Variants in CARD10 observed in about 807,000 individuals in gnomAD.
CARD10 encodes caspase recruitment domain family member 10.
In CARD10, 49 loss-of-function variants were observed where a neutral mutation model predicts 114.6. That is an observed-to-expected ratio of 0.43 (90% confidence interval 0.34 to 0.54). The LOEUF is 0.54. Among genes scored for constraint, CARD10 ranks in the 20% least tolerant of loss-of-function variants. The pLI, the probability that CARD10 is intolerant of heterozygous loss-of-function variation, is 0.03. For synonymous variants in CARD10, 602 were observed against 593.2 expected, an observed-to-expected ratio of 1.01 and a Z score of -0.21; for missense variants, 1,206 against 1,397.2, an observed-to-expected ratio of 0.86 and a Z score of 2.18.
In CARD10 at chr22:37,506,220, T is replaced by C. The variant is rs764497951; in HGVS notation, c.1355A>G (p.Gln452Arg). ...GAGGCAGGTGCCACCCTGGGCCCGC[T>C]GCAGCTGAACCTCCAGCAGAGCCTT... Reference protein sequence around the residue: ...GTKALLEVQLQRAQGGTCLKA... With the variant: ...GTKALLEVQLRRAQGGTCLKA... Residue 452 changes from glutamine (Q) to arginine (R), a missense_variant, in exon 7 of 20, where the codon CAG becomes CGG. By Grantham distance (43) the Gln-to-Arg change is conservative (BLOSUM62 1). This residue lies in a region of CARD10 where 1,068 missense variants were observed against 1,179.1 expected (regional missense o/e 0.91). Coordinates refer to ENST00000251973, the MANE Select transcript of CARD10 (RefSeq NM_014550.4). 6.3e-7 allele frequency: 1 copy of C among 1,589,740 alleles called. No homozygotes were observed. The highest frequency in any genetic ancestry group is 1.3e-5 in the African/African-American group (1 of 74,320).
intron 16 of CARD10, 34 bp downstream of exon 16, chr22:37,494,052 A>G (rs959369860): frequency 5.6e-6 from 8 of 1,432,770 alleles, no homozygotes; most frequent in Middle Eastern, 1.7e-4. Context: ...CAATGGGAGC[A>G]ACACGGGATA....
rs539011248 is a variant in CARD10 at position 37,501,781 on chromosome 22, A to G, written c.1787+821T>C. On this transcript the variant is annotated intron_variant, in intron 11 of 19. Coordinates refer to ENST00000251973, the MANE Select transcript of CARD10 (RefSeq NM_014550.4). The surrounding 1 kb of genome is among the most constrained non-coding windows in gnomAD (Gnocchi z 5.4). ...TATGCCTACTCCCTGGACAAAGAGC[A>G]TGTTGTAAAACAGCCAGCAGCTGGC... Among the ~76,000 whole-genome samples, 20 of 152,348 alleles carry G rather than the reference A, an allele frequency of 1.3e-4. No homozygotes were observed. Among genetic ancestry groups the G allele is most frequent in the African/African-American group, 4.6e-4 (19 of 41,590 alleles).
chr22:37,491,349 C>T lies in CARD10; in HGVS notation c.2909G>A (p.Arg970Gln), dbSNP rs187194563. The change falls in exon 20 of 20, where the codon CGG (arginine) becomes CAG (glutamine). Residue 970 changes from arginine (R) to glutamine (Q), a missense_variant. Arg to Gln is a conservative substitution (Grantham distance 43). Transcript: ENST00000251973. ...CACCTGCTCTGAGCCACGGCACTGCCGCAGCAGCTCTGAGTCCCGCCAGCC... is the reference window on the plus strand; with the variant it reads ...CACCTGCTCTGAGCCACGGCACTGCTGCAGCAGCTCTGAGTCCCGCCAGCC... ...RPGWRDSELL[R>Q]QCRGSEQVLW... is the part of the protein sequence containing the mutation. 6.5e-6 allele frequency: 10 copies of T among 1,535,554 alleles called. No individual in the cohort carries two copies. The highest frequency in any genetic ancestry group is 4.1e-5 in the African/African-American group (3 of 73,272).
intron 3 of CARD10, among the ~76,000 whole-genome samples, 167 bp downstream of exon 3, chr22:37,515,806 T>C (rs1433077953): frequency 6.6e-6 from 1 of 152,044 alleles, no homozygotes; most frequent in African/African-American, 2.4e-5. Context: ...TCACCCCCCA[T>C]TGAGAACCAC....
chr22:37,510,271 G>T lies in CARD10; in HGVS notation c.850C>A (p.Arg284Ser). 6.2e-7 allele frequency: 1 copy of T among 1,604,336 alleles called. No homozygotes were observed. The change falls in exon 4 of 20, where the codon CGT becomes AGT. Residue 284 changes from arginine to serine, a missense_variant. Arg to Ser is a moderately radical substitution (Grantham distance 110, BLOSUM62 -1). This residue lies in a region of CARD10 where 1,068 missense variants were observed against 1,179.1 expected (regional missense o/e 0.91). Coordinates refer to ENST00000251973, the MANE Select transcript of CARD10 (RefSeq NM_014550.4). ...PDNVDLVSEL[R>S]AENQRLTASL... ...GCCGTCAGCCGCTGGTTCTCAGCAC[G>T]CAGCTCAGAGACAAGGTCCACATTG...
In CARD10 at chr22:37,492,846, G is replaced by A; in HGVS notation, c.2477-44C>T. On this transcript the variant is annotated intron_variant, in intron 16 of 19. Coordinates refer to ENST00000251973, the MANE Select transcript of CARD10 (RefSeq NM_014550.4). The surrounding 1 kb of genome is among the most constrained non-coding windows in gnomAD (Gnocchi z 5.7). ...GCAAAAGAGATAAGGGCACAGGCAG[G>A]CAGCATACCAGCTCGTCGATACCCC... The A allele has an allele frequency of 6.3e-7, 1 of 1,589,098 alleles. No individual in the cohort carries two copies. The highest frequency in any genetic ancestry group is 8.5e-7 in the Non-Finnish European group (1 of 1,170,972).
At position 37,492,770 on chromosome 22, in the gene CARD10, C is replaced by T. The variant is rs1402708053; in HGVS notation, c.2509G>A (p.Val837Met). ...PERSLRPYSLVRPLLVSALRP... is the reference protein window; with the variant it reads ...PERSLRPYSLMRPLLVSALRP... ...AGGGCAGACACCAGTAGCGGCCGCA[C>T]CAAACTGTAGGGTCTGAGGCTCCGC... Residue 837 changes from valine (V) to methionine (M), a missense_variant, in exon 17 of 20, where the codon GTG becomes ATG. Physicochemically the swap from Val to Met is conservative, Grantham distance 21. Transcript: ENST00000251973. This position sits in a 1 kb window ranked among gnomAD's most constrained non-coding sequence, Gnocchi z 5.7. 1 of 1,612,628 alleles carries T rather than the reference C, an allele frequency of 6.2e-7. No individual in the cohort carries two copies. Among genetic ancestry groups the T allele is most frequent in the African/African-American group, 1.3e-5 (1 of 74,914 alleles).
Position 37,492,798 on chromosome 22 carries a change from C to A in CARD10, c.2481G>T (p.Pro827=), listed in dbSNP as rs537956524. The A allele has an allele frequency of 6.2e-7, 1 of 1,610,920 alleles. No homozygotes were observed. Among genetic ancestry groups the A allele is most frequent in the African/African-American group, 1.3e-5 (1 of 75,010 alleles). The change falls in exon 17 of 20, where the codon CCG becomes CCT. Residue 827 remains proline, a synonymous_variant. Coordinates refer to ENST00000251973, the MANE Select transcript of CARD10 (RefSeq NM_014550.4). The surrounding 1 kb of genome is among the most constrained non-coding windows in gnomAD (Gnocchi z 5.7). The part of the protein sequence containing the change: ...DQLLLEPCAE[P]ERSLRPYSLV... ...AACTGTAGGGTCTGAGGCTCCGCTC[C>A]GGCTCTGTGGCAGGGGAGGGGCGCA...
intron 15 of CARD10, chr22:37,494,508 CCAAA>C: frequency 2.5e-6 from 1 of 402,560 alleles, no homozygotes. Flanking sequence ...CCAAGAGGAA[CCAAA>C]TGTCACATAC....
rs542874338 is a variant in CARD10, at chr22:37,491,035, A to G, written c.*124T>C. 14 of 775,860 alleles carry G rather than the reference A, an allele frequency of 1.8e-5. No individual in the cohort carries two copies. Among genetic ancestry groups the G allele is most frequent in the South Asian group, 1.6e-4 (9 of 56,122 alleles). 48.1% of individuals were successfully genotyped at this position (775,860 alleles called of 1,614,324 possible). On this transcript the variant is annotated 3_prime_UTR_variant, in exon 20 of 20. Coordinates refer to ENST00000251973, the MANE Select transcript of CARD10 (RefSeq NM_014550.4). ...GACAGCCTTGGGGGTGAGAGGCCAGAGCCAAGGGCCCTGCATCTGAGAGTC... is the reference window on the plus strand; with the variant it reads ...GACAGCCTTGGGGGTGAGAGGCCAGGGCCAAGGGCCCTGCATCTGAGAGTC...
Position 37,492,477 on chromosome 22 carries a change from C to A in CARD10, c.2709G>T (p.Gly903=). The change falls in exon 18 of 20, where the codon GGG becomes GGT. Residue 903 remains glycine (G), a synonymous_variant. Coordinates refer to ENST00000251973, the MANE Select transcript of CARD10 (RefSeq NM_014550.4). This position sits in a 1 kb window ranked among gnomAD's most constrained non-coding sequence, Gnocchi z 5.7. ...GAPKAQPATP[G]LGSRIRAIQE... ...GGATGGCCCGGATCCTGCTGCCTAGCCCAGGGGTGGCAGGCTGAGCCTTGG... is the reference window on the plus strand; with the variant it reads ...GGATGGCCCGGATCCTGCTGCCTAGACCAGGGGTGGCAGGCTGAGCCTTGG... 6.2e-7 allele frequency: 1 copy of A among 1,601,330 alleles called. No individual in the cohort carries two copies. Among genetic ancestry groups the A allele is most frequent in the South Asian group, 1.1e-5 (1 of 89,740 alleles).
Position 37,518,971 on chromosome 22 carries a change from C to A in CARD10, c.230G>T (p.Arg77Leu). The A allele has an allele frequency of 6.5e-7, 1 of 1,535,538 alleles. No homozygotes were observed. ...ACTCGGGACCCGCGGCTCACCGGTG[C>A]GGTTGACGCGGCACGGGAAGCGGTA... ...STYRFPCRVN[R>L]TGRLMDILRC... The change falls in exon 1 of 20, where the codon CGC becomes CTC. Residue 77 changes from arginine to leucine, a missense_variant. This residue lies in a region of CARD10 where 138 missense variants were observed against 218.0 expected (regional missense o/e 0.63). Transcript: ENST00000251973.
chr22:37,504,725 A>C lies in CARD10; in HGVS notation c.1428T>G (p.Thr476=), dbSNP rs754363071. The change falls in exon 8 of 20, where the codon ACT becomes ACG. Residue 476 remains threonine, a synonymous_variant. Transcript: ENST00000251973. ...SHSLCSNLSS[T]WSLSEFPSPL... is the part of the protein sequence containing the mutation. ...GGGAGGGGAACTCGCTCAGGCTCCA[A>C]GTGCTGCTGAGGTTGGAGCACAGGG... The C allele has an allele frequency of 1.3e-6, 2 of 1,579,756 alleles. No individual in the cohort carries two copies. Among genetic ancestry groups the C allele is most frequent in the East Asian group, 2.3e-5 (1 of 42,682 alleles).
At position 37,507,861 on chromosome 22, in the gene CARD10, G is replaced by A; in HGVS notation, c.1159C>T (p.Gln387Ter). ...CGCTCCTTCTCAATCTCCTCCAGTT[G>A]GGCCAGGACAGTGGCCATGCGGTGC... ...YKHRMATVLA[Q>*]LEEIEKERDQ... Residue 387 changes from glutamine (Q) to a stop codon, truncating the protein, a stop_gained, in exon 6 of 20, where the codon CAA becomes TAA. Coordinates refer to ENST00000251973, the MANE Select transcript of CARD10 (RefSeq NM_014550.4). LOFTEE classifies it high-confidence loss of function. 1 of 1,614,178 alleles carries A rather than the reference G, an allele frequency of 6.2e-7. No homozygotes were observed. The highest frequency in any genetic ancestry group is 8.5e-7 in the Non-Finnish European group (1 of 1,180,008).
chr22:37,511,356 T>A (rs1271949574), intron 3 of CARD10, among the ~76,000 whole-genome samples: 1 of 51,496 alleles, frequency 1.9e-5, no homozygotes, highest in African/African-American at 1.1e-4. Flanking sequence ...AGACCCTGTC[T>A]CAAAAAAAAA....
chr22:37,495,887 C>A lies in CARD10; in HGVS notation c.2176G>T (p.Val726Leu), dbSNP rs775615805. Residue 726 changes from valine (V) to leucine (L), a missense_variant, in exon 14 of 20, where the codon GTG (valine) becomes TTG (leucine). Coordinates refer to ENST00000251973, the MANE Select transcript of CARD10 (RefSeq NM_014550.4). ...PERADPHALC[V>L]KAQEILRLVD... ...AGTCGAAGGATCTCTTGGGCTTTCA[C>A]GCAAAGGGCATGGGGATCTGCCCTC... is the stretch of plus-strand genomic sequence containing the variant. The A allele has an allele frequency of 1.2e-6, 2 of 1,614,158 alleles. No homozygotes were observed. Among genetic ancestry groups the A allele is most frequent in the Middle Eastern group, 1.6e-4 (1 of 6,062 alleles).
intron 15 of CARD10, 45 bp from the exon 16 acceptor site, chr22:37,494,233 G>GC: frequency 2.2e-6 from 3 of 1,345,692 alleles, no homozygotes; most frequent in Non-Finnish European, 3.1e-6. Flanking sequence ...GCTCAGCCCC[G>GC]CCCCCTCAGG....
intron 7 of CARD10, 98 bp from the exon 8 acceptor site, chr22:37,504,867 GA>G: frequency 8.1e-6 from 5 of 615,452 alleles, no homozygotes; most frequent in Non-Finnish European, 1.3e-5. Flanking sequence ...CACAGGGACA[GA>G]TCCCTGTCCT....
chr22:37,503,821 C>G (rs1207085621), intron 9 of CARD10, among the ~76,000 whole-genome samples: 1 of 152,186 alleles, frequency 6.6e-6, no homozygotes, highest in African/African-American at 2.4e-5. Flanking sequence ...GATGCCCAAA[C>G]CTGGGGCCTG....
Sources: allele counts gnomAD v4.1 joint callset (sites outside exome capture counted in the v4.1 genomes callset), GRCh38; gene constraint gnomAD v4.1.1; regional missense constraint gnomAD v4.1.1; non-coding constraint Gnocchi (gnomAD v3.1); transcripts MANE v1.5; gene names NCBI Gene and HGNC (gene_info 2026-07-23, HGNC 2026-07-21).